KICS2: variants seen among roughly 807,000 people sequenced by gnomAD.
KICS2 encodes KICSTOR complex protein C12orf66.
Under a neutral mutation model 31.4 loss-of-function variants are expected in KICS2, and 13 were observed. The ratio of observed to expected loss-of-function variants is 0.41; its 90% CI spans 0.27 to 0.66. KICS2 has a LOEUF of 0.66. Ranked by LOEUF, KICS2 falls within the 30% of genes least tolerant of loss-of-function variation. KICS2 has a pLI of 0.28. For synonymous variants in KICS2, 209 were observed against 214.8 expected (o/e 0.97, Z 0.24); for missense variants, 455 against 545.4 (o/e 0.83, Z 1.65).
chr12:64,203,256 T>C (rs1315715829), intron 2 of KICS2, among the ~76,000 whole-genome samples: 4 of 152,226 alleles, frequency 2.6e-5, no homozygotes, highest in African/African-American at 9.6e-5. Flanking sequence ...CTGCTGGTTA[T>C]GGGCTGAACG....
chr12:64,210,728 G>A (rs182359809), intron 2 of KICS2, among the ~76,000 whole-genome samples: 242 of 152,332 alleles, frequency 1.6e-3, no homozygotes, highest in African/African-American at 5.1e-3. Flanking sequence ...AGTGAGCCGA[G>A]AGAGCGCCAC....
chr12:64,187,771 C>A, downstream of KICS2: 1 of 762,882 alleles, frequency 1.3e-6, no homozygotes, highest in Non-Finnish European at 2.0e-6. Context: ...AGTTTTCTTA[C>A]ATTTTTACTT....
downstream of KICS2, among the ~76,000 whole-genome samples, chr12:64,189,670 AACAC>A (rs567956705): frequency 1.3e-5 from 2 of 151,330 alleles, no homozygotes; most frequent in East Asian, 1.9e-4. Flanking sequence ...GAACATGGAA[AACAC>A]ACACACACAC....
At chr12:64,195,192 G>A (rs1254274333) in intron 2 of KICS2, among the ~76,000 whole-genome samples, 4 of 152,204 alleles carry the variant, frequency 2.6e-5, no homozygotes, top group Non-Finnish European at 5.9e-5. Context: ...TGGGATTACA[G>A]GTGTGGGCCA....
chr12:64,203,822 A>G (rs929112281), intron 2 of KICS2, among the ~76,000 whole-genome samples: 1 of 152,218 alleles, frequency 6.6e-6, no homozygotes, highest in African/African-American at 2.4e-5. Context: ...AAAAACACAC[A>G]TTGCTTTTCA....
intron 2 of KICS2, among the ~76,000 whole-genome samples, chr12:64,194,947 T>TA (rs2037419534): frequency 6.6e-6 from 1 of 150,766 alleles, no homozygotes; most frequent in African/African-American, 2.4e-5. Flanking sequence ...TTTTTTTTTT[T>TA]TTATTTATTT....
chr12:64,194,312 T>A lies in KICS2; in HGVS notation c.868A>T (p.Thr290Ser), dbSNP rs766005327. 1.2e-6 allele frequency: 2 copies of A among 1,614,018 alleles called. No individual in the cohort carries two copies. The highest frequency in any genetic ancestry group is 1.7e-6 in the Non-Finnish European group (2 of 1,180,030). The change falls in exon 3 of 3, where the codon ACA (threonine) becomes TCA (serine). Residue 290 changes from threonine (T) to serine (S), a missense_variant. Coordinates refer to ENST00000398055, the MANE Select transcript of KICS2 (RefSeq NM_152440.5). ...QTTASEMKTL[T>S]AKANPDFFGK... ...AAAAAGTCTGGGTTAGCTTTTGCTG[T>A]CAACGTTTTCATTTCTGAAGCAGTC...
Position 64,194,322 on chromosome 12 carries a change from C to T in KICS2, c.858G>A (p.Met286Ile), listed in dbSNP as rs915171991. ...GGTTAGCTTTTGCTGTCAACGTTTT[C>T]ATTTCTGAAGCAGTCGTTTGTCGGC... Reference protein sequence around the residue: ...ALSRQTTASEMKTLTAKANPD... With the variant: ...ALSRQTTASEIKTLTAKANPD... Residue 286 changes from methionine to isoleucine, a missense_variant, in exon 3 of 3, where the codon ATG becomes ATA. Met to Ile is a conservative substitution (Grantham distance 10, BLOSUM62 1). Transcript: ENST00000398055. The T allele has an allele frequency of 6.2e-7, 1 of 1,613,980 alleles. No individual in the cohort carries two copies. Among genetic ancestry groups the T allele is most frequent in the Admixed American group, 1.7e-5 (1 of 59,962 alleles).
intron 2 of KICS2, among the ~76,000 whole-genome samples, chr12:64,202,588 C>T (rs73132122): frequency 0.021 from 3,128 of 149,334 alleles, 54 homozygotes; most frequent in Middle Eastern, 0.083. Flanking sequence ...CTATTACTTC[C>T]GCTATTGATA....
chr12:64,202,073 G>C (rs980065868), intron 2 of KICS2, among the ~76,000 whole-genome samples: 1 of 152,198 alleles, frequency 6.6e-6, no homozygotes, highest in Non-Finnish European at 1.5e-5. Context: ...CAAGACAGTA[G>C]TGCAATTTTA....
chr12:64,194,675 A>C lies in KICS2; in HGVS notation c.522-17T>G. 6.3e-7 allele frequency: 1 copy of C among 1,583,080 alleles called. No individual in the cohort carries two copies. The highest frequency in any genetic ancestry group is 1.1e-5 in the South Asian group (1 of 87,530). On this transcript the variant is annotated splice_polypyrimidine_tract_variant and intron_variant, in intron 2 of 2. Transcript: ENST00000398055. ...TGGTGAAATCTAAAGGGGAGAGGGAAATAGAGATAAGTGGAAATGTTACTT... is the reference window on the plus strand; with the variant it reads ...TGGTGAAATCTAAAGGGGAGAGGGACATAGAGATAAGTGGAAATGTTACTT...
chr12:64,219,048 ATTACT>A (rs1459304645), intron 1 of KICS2, among the ~76,000 whole-genome samples: 1 of 152,182 alleles, frequency 6.6e-6, no homozygotes, highest in African/African-American at 2.4e-5. Flanking sequence ...AAAAAATATG[ATTACT>A]TTGAATGATT....
intron 2 of KICS2, among the ~76,000 whole-genome samples, chr12:64,209,098 A>T (rs2037563214): frequency 6.6e-6 from 1 of 152,120 alleles, no homozygotes; most frequent in Non-Finnish European, 1.5e-5. Flanking sequence ...ATTGCTCCTC[A>T]AAAGTACTCA....
chr12:64,196,273 C>T (rs1565714786), intron 2 of KICS2, among the ~76,000 whole-genome samples: 1 of 134,830 alleles, frequency 7.4e-6, no homozygotes, highest in African/African-American at 2.7e-5. Flanking sequence ...AGACTGCCTC[C>T]TCAAGTGGGT....
chr12:64,193,022 G>A lies in KICS2; in HGVS notation c.*820C>T. The A allele has an allele frequency of 3.0e-6, 3 of 985,438 alleles. No individual in the cohort carries two copies. Among genetic ancestry groups the A allele is most frequent in the South Asian group, 4.7e-5 (1 of 21,288 alleles). The allele number at this position is 985,438 out of a possible 1,614,324, so 61.0% of individuals were successfully genotyped here. A position where few individuals can be genotyped will look rare whatever the true frequency, so the allele number is the denominator to read the frequency against. ...TAAGCCTAAAAATAACCAAGGAGTA[G>A]AGCCAAACATGTACATTTCAGCAGA... is the stretch of plus-strand genomic sequence containing the variant. On this transcript the variant is annotated 3_prime_UTR_variant, in exon 3 of 3. Coordinates refer to ENST00000398055, the MANE Select transcript of KICS2 (RefSeq NM_152440.5).
intron 1 of KICS2, among the ~76,000 whole-genome samples, chr12:64,216,859 C>T (rs568918336): frequency 2.0e-5 from 3 of 151,964 alleles, no homozygotes; most frequent in East Asian, 1.9e-4. Context: ...TCTGCACCCA[C>T]CAAAGGGCCA....
At position 64,194,336 on chromosome 12, in the gene KICS2, T is replaced by A; in HGVS notation, c.844A>T (p.Thr282Ser). The A allele has an allele frequency of 6.2e-7, 1 of 1,614,162 alleles. No homozygotes were observed. Among genetic ancestry groups the A allele is most frequent in the Non-Finnish European group, 8.5e-7 (1 of 1,180,028 alleles). The change falls in exon 3 of 3, where the codon ACT (threonine) becomes TCT (serine). Residue 282 changes from threonine (T) to serine (S), a missense_variant. By Grantham distance (58) the Thr-to-Ser change is moderately conservative. Transcript: ENST00000398055. ...GTCAACGTTTTCATTTCTGAAGCAGTCGTTTGTCGGCTCAGAGCCTCATGA... is the reference window on the plus strand; with the variant it reads ...GTCAACGTTTTCATTTCTGAAGCAGACGTTTGTCGGCTCAGAGCCTCATGA... ...YFHEALSRQT[T>S]ASEMKTLTAK...
At chr12:64,216,166 A>T (rs12580067) in intron 1 of KICS2, among the ~76,000 whole-genome samples, 26,251 of 144,990 alleles carry the variant, frequency 0.18, 2,697 homozygotes, top group East Asian at 0.39. Context: ...ACTTTATGAT[A>T]ATCATAAATA....
chr12:64,214,808 G>C (rs1425714458), intron 2 of KICS2, among the ~76,000 whole-genome samples: 2 of 152,046 alleles, frequency 1.3e-5, no homozygotes, highest in Non-Finnish European at 2.9e-5. Flanking sequence ...TTGAACCCAG[G>C]AGATTACAGG....
Sources: allele counts gnomAD v4.1 joint callset (sites outside exome capture counted in the v4.1 genomes callset), GRCh38; gene constraint gnomAD v4.1.1; transcripts MANE v1.5; gene names NCBI Gene and HGNC (gene_info 2026-07-23, HGNC 2026-07-21).